The following AKT3 variants were observed in gnomAD, a reference collection of about 807,000 sequenced individuals.
The protein encoded by AKT3 is AKT serine/threonine kinase 3, also known as RAC-gamma serine/threonine-protein kinase.
Under a neutral mutation model 65.3 loss-of-function variants are expected in AKT3, and 15 were observed. The observed-to-expected ratio is 0.23, with a 90% CI of 0.15 to 0.35. The LOEUF is 0.35. AKT3 is among the 10% of genes least tolerant of loss of function. AKT3 has a pLI of 1.00. For missense variants in AKT3, 243 were observed against 576.5 expected, an observed-to-expected ratio of 0.42 and a Z score of 5.92; for synonymous variants, 206 against 183.8, an observed-to-expected ratio of 1.12 and a Z score of -0.98.
downstream of AKT3, among the ~76,000 whole-genome samples, chr1:243,496,140 C>T: frequency 6.6e-6 from 1 of 152,210 alleles, no homozygotes; most frequent in South Asian, 2.1e-4. Context: ...GATAAATAAC[C>T]ATTTTGTACA....
At chr1:243,636,616 C>T (rs932753770) in intron 6 of AKT3, among the ~76,000 whole-genome samples, 2 of 152,094 alleles carry the variant, frequency 1.3e-5, no homozygotes, top group Non-Finnish European at 2.9e-5. Flanking sequence ...TGAGCACATT[C>T]GGCTTCTACC....
intron 2 of AKT3, among the ~76,000 whole-genome samples, chr1:243,753,208 A>G (rs1202957424): frequency 6.6e-6 from 1 of 152,250 alleles, no homozygotes; most frequent in Non-Finnish European, 1.5e-5. Flanking sequence ...AAAGTAATTA[A>G]GTTCCATGAC....
At chr1:243,752,236 T>C (rs1688853204) in intron 2 of AKT3, among the ~76,000 whole-genome samples, 1 of 152,204 alleles carries the variant, frequency 6.6e-6, no homozygotes, top group South Asian at 2.1e-4. Context: ...CAGGCATATA[T>C]GCATCTGAAA....
intron 12 of AKT3, among the ~76,000 whole-genome samples, chr1:243,542,987 G>T (rs1038915869): frequency 1.3e-5 from 2 of 151,954 alleles, no homozygotes; most frequent in African/African-American, 4.8e-5. Context: ...AGTCATTTTG[G>T]GTTGTGCTTC....
In AKT3 at chr1:243,850,035, G is replaced by A; in HGVS notation, c.-113+5C>T. ...GGGGCTAGAGTTGGGGGCGGTGGCT[G>A]TTACCTGCAACGGCGGCGGCGGCGG... On this transcript the variant is annotated splice_donor_5th_base_variant and intron_variant, in intron 1 of 13. Transcript: ENST00000673466. 2 of 986,612 alleles carry A rather than the reference G, an allele frequency of 2.0e-6. No individual in the cohort carries two copies. Among genetic ancestry groups the A allele is most frequent in the Non-Finnish European group, 2.4e-6 (2 of 831,648 alleles). The allele number at this position is 986,612 out of a possible 1,614,324, so 61.1% of individuals were successfully genotyped here.
At position 243,753,800 on chromosome 1, in the gene AKT3, C is replaced by T. The variant is rs575390389; in HGVS notation, c.47-58084G>A. Among the ~76,000 whole-genome samples, 4 of 152,274 alleles carry T rather than the reference C, an allele frequency of 2.6e-5. No individual in the cohort carries two copies. The South Asian group carries it at 6.2e-4, about 24-fold the overall frequency. ...AGAGTGTAAAATAACTGAATAGGAA[C>T]ATTGAGATATTTTATGGCAAACCTC... is the stretch of plus-strand genomic sequence containing the variant. On this transcript the variant is annotated intron_variant, in intron 2 of 13. Transcript: ENST00000673466.
intron 10 of AKT3, among the ~76,000 whole-genome samples, chr1:243,561,296 A>G (rs1673756843): frequency 6.6e-6 from 1 of 152,104 alleles, no homozygotes; most frequent in African/African-American, 2.4e-5. Context: ...TTTACTTCCT[A>G]ATTTCTTTTG....
chr1:243,781,280 G>A (rs1023487983), intron 2 of AKT3, among the ~76,000 whole-genome samples: 1 of 151,966 alleles, frequency 6.6e-6, no homozygotes, highest in African/African-American at 2.4e-5. Context: ...ACGAATGAAT[G>A]CATTTGTCCA....
intron 5 of AKT3, among the ~76,000 whole-genome samples, chr1:243,639,330 C>G (rs1321481940): frequency 6.6e-6 from 1 of 152,134 alleles, no homozygotes; most frequent in African/African-American, 2.4e-5. Flanking sequence ...CAATTTTATA[C>G]AAATTCTTTC....
At chr1:243,596,282 A>C (rs1480638754) in intron 8 of AKT3, among the ~76,000 whole-genome samples, 1 of 152,218 alleles carries the variant, frequency 6.6e-6, no homozygotes, top group East Asian at 1.9e-4. Flanking sequence ...TGTTCCTCAA[A>C]AGACATCACT....
At chr1:243,640,216 G>A (rs1476555270) in intron 5 of AKT3, among the ~76,000 whole-genome samples, 1 of 152,114 alleles carries the variant, frequency 6.6e-6, no homozygotes, top group Non-Finnish European at 1.5e-5. Context: ...TAGTAAATCA[G>A]CTAGTGTCAT....
At chr1:243,756,525 T>G (rs907706835) in intron 2 of AKT3, among the ~76,000 whole-genome samples, 1 of 152,184 alleles carries the variant, frequency 6.6e-6, no homozygotes, top group African/African-American at 2.4e-5. Flanking sequence ...ACACTATGAC[T>G]CATTTGTTGA....
intron 8 of AKT3, among the ~76,000 whole-genome samples, chr1:243,584,924 T>G (rs756221739): frequency 4.0e-5 from 6 of 151,692 alleles, no homozygotes; most frequent in Non-Finnish European, 8.8e-5. Flanking sequence ...AAGAAAGAAA[T>G]AAAAAGGCAT....
intron 6 of AKT3, among the ~76,000 whole-genome samples, chr1:243,628,542 C>T (rs763643752): frequency 6.6e-6 from 1 of 152,146 alleles, no homozygotes; most frequent in Non-Finnish European, 1.5e-5. Flanking sequence ...TGGACTCATG[C>T]GATTCTCCTG....
intron 2 of AKT3, among the ~76,000 whole-genome samples, chr1:243,728,841 G>A (rs1258282886): frequency 2.0e-5 from 3 of 152,132 alleles, no homozygotes; most frequent in Admixed American, 2.0e-4. Flanking sequence ...AGACAAAAAG[G>A]ACTTCAGGGA....
intron 11 of AKT3, 93 bp downstream of exon 11, chr1:243,552,636 G>A: frequency 1.8e-6 from 2 of 1,135,220 alleles, no homozygotes; most frequent in Non-Finnish European, 2.6e-6. Flanking sequence ...CAAATACATT[G>A]CTTCTTGGAG....
intron 2 of AKT3, among the ~76,000 whole-genome samples, chr1:243,758,577 C>T (rs1047866922): frequency 5.3e-5 from 8 of 152,150 alleles, no homozygotes; most frequent in Admixed American, 1.3e-4. Flanking sequence ...GGACCAGTTT[C>T]ATGGAAGACA....
At chr1:243,662,887 G>A (rs1682478487) in intron 4 of AKT3, among the ~76,000 whole-genome samples, 1 of 152,122 alleles carries the variant, frequency 6.6e-6, no homozygotes, top group Non-Finnish European at 1.5e-5. Flanking sequence ...AAAACTGATT[G>A]TTCAGAAGAG....
At chr1:243,761,990 C>T (rs775235406) in intron 2 of AKT3, among the ~76,000 whole-genome samples, 6 of 152,004 alleles carry the variant, frequency 3.9e-5, no homozygotes, top group Non-Finnish European at 8.8e-5. Context: ...AATTTCTAAA[C>T]GTCAAAATAA....
Sources: allele counts gnomAD v4.1 joint callset (sites outside exome capture counted in the v4.1 genomes callset), GRCh38; gene constraint gnomAD v4.1.1; transcripts MANE v1.5; gene names NCBI Gene and HGNC (gene_info 2026-07-23, HGNC 2026-07-21).